The following QTMAN variants were observed in gnomAD, a reference collection of about 807,000 sequenced individuals.
QTMAN encodes tRNA-queuosine alpha-mannosyltransferase.
At chr2:144,242,342 A>G in the QTMAN span, among the ~76,000 whole-genome samples, 1 of 152,112 alleles carries the variant, frequency 6.6e-6, no homozygotes, top group Non-Finnish European at 1.5e-5. Context: ...AGTTACTTCT[A>G]TTATTAAAAG....
At chr2:144,145,045 C>T in the QTMAN span, among the ~76,000 whole-genome samples, 4 of 139,518 alleles carry the variant, frequency 2.9e-5, no homozygotes, top group South Asian at 2.2e-4. Flanking sequence ...GAAGACTCAA[C>T]GAAGGAAAAA....
chr2:144,117,999 C>G, the QTMAN span, among the ~76,000 whole-genome samples: 1 of 152,088 alleles, frequency 6.6e-6, no homozygotes, highest in Non-Finnish European at 1.5e-5. Flanking sequence ...GTGCCCGCCA[C>G]CACGCCCGGC....
At chr2:144,315,408 G>A in the QTMAN span, among the ~76,000 whole-genome samples, 1 of 152,124 alleles carries the variant, frequency 6.6e-6, no homozygotes, top group Non-Finnish European at 1.5e-5. Context: ...AATGTTCCCA[G>A]AACAAATGGG....
At chr2:144,088,664 C>T in the QTMAN span, among the ~76,000 whole-genome samples, 3 of 152,050 alleles carry the variant, frequency 2.0e-5, no homozygotes, top group Non-Finnish European at 4.4e-5. Flanking sequence ...AGAAATAAAG[C>T]CACATATTCA....
the QTMAN span, among the ~76,000 whole-genome samples, chr2:144,010,531 G>A: frequency 6.6e-6 from 1 of 152,196 alleles, no homozygotes; most frequent in Admixed American, 6.6e-5. Flanking sequence ...TGGACAAGAT[G>A]AGCAAGAGCT....
the QTMAN span, among the ~76,000 whole-genome samples, chr2:144,175,825 C>T: frequency 1.4e-4 from 22 of 152,132 alleles, no homozygotes; most frequent in South Asian, 6.2e-4. Flanking sequence ...CCACCATGTT[C>T]GGCTAGTTTT....
chr2:144,157,603 T>C, the QTMAN span, among the ~76,000 whole-genome samples: 4 of 151,976 alleles, frequency 2.6e-5, no homozygotes, highest in East Asian at 1.9e-4. Context: ...GCGATGGCTA[T>C]TAAAAGATGA....
chr2:144,165,046 T>C, the QTMAN span, among the ~76,000 whole-genome samples: 2 of 152,092 alleles, frequency 1.3e-5, no homozygotes, highest in Non-Finnish European at 2.9e-5. Flanking sequence ...GCTCACTTTG[T>C]TAAAGAAGGT....
chr2:144,020,676 C>T, the QTMAN span, among the ~76,000 whole-genome samples: 959 of 152,158 alleles, frequency 6.3e-3, 15 homozygotes, highest in African/African-American at 0.022. Context: ...AGCAGTGGGG[C>T]GCTGAAGCAG....
chr2:144,296,715 G>A, the QTMAN span, among the ~76,000 whole-genome samples: 1 of 152,034 alleles, frequency 6.6e-6, no homozygotes, highest in Non-Finnish European at 1.5e-5. Context: ...AAACCCCTCA[G>A]GCTCAATCCT....
chr2:143,975,895 T>C, the QTMAN span, among the ~76,000 whole-genome samples: 1 of 152,202 alleles, frequency 6.6e-6, no homozygotes, highest in Middle Eastern at 3.2e-3. Flanking sequence ...TCTTCATTAC[T>C]GCAGCATAAT....
the QTMAN span, among the ~76,000 whole-genome samples, chr2:144,160,621 A>T: frequency 6.6e-6 from 1 of 152,264 alleles, no homozygotes; most frequent in East Asian, 1.9e-4. Flanking sequence ...AAAACTTAAG[A>T]CTGTAACGCA....
chr2:144,209,119 T>A, the QTMAN span, among the ~76,000 whole-genome samples: 1 of 152,210 alleles, frequency 6.6e-6, no homozygotes, highest in African/African-American at 2.4e-5. Context: ...CTGTGATCAC[T>A]CACTTCCTGG....
At chr2:144,047,038 A>C in the QTMAN span, among the ~76,000 whole-genome samples, 1 of 152,174 alleles carries the variant, frequency 6.6e-6, no homozygotes, top group Non-Finnish European at 1.5e-5. Context: ...TGGGAGTCTG[A>C]GGCAGGGACT....
chr2:144,087,025 A>G, the QTMAN span, among the ~76,000 whole-genome samples: 5 of 152,198 alleles, frequency 3.3e-5, no homozygotes, highest in Admixed American at 6.6e-5. Flanking sequence ...AAGTGACAAC[A>G]GTAACCTTAT....
chr2:144,084,227 G>T, the QTMAN span, among the ~76,000 whole-genome samples: 5 of 152,164 alleles, frequency 3.3e-5, no homozygotes, highest in Admixed American at 2.6e-4. Context: ...CAACCAGCTG[G>T]TATATCCAGG....
At chr2:143,994,013 A>C in the QTMAN span, among the ~76,000 whole-genome samples, 1 of 152,182 alleles carries the variant, frequency 6.6e-6, no homozygotes, top group Non-Finnish European at 1.5e-5. Flanking sequence ...CCTAAAGGTT[A>C]TACATTTTAT....
At chr2:144,218,739 G>A in the QTMAN span, among the ~76,000 whole-genome samples, 36 of 152,052 alleles carry the variant, frequency 2.4e-4, 2 homozygotes, top group East Asian at 4.8e-3. Context: ...TATTCTCAAC[G>A]TCCTATTTGA....
the QTMAN span, among the ~76,000 whole-genome samples, chr2:144,237,660 G>C: frequency 6.6e-6 from 1 of 152,068 alleles, no homozygotes; most frequent in African/African-American, 2.4e-5. Flanking sequence ...TGCTGTCAAA[G>C]AAAGGGGAGA....
Sources: allele counts gnomAD v4.1 joint callset (sites outside exome capture counted in the v4.1 genomes callset), GRCh38; gene constraint gnomAD v4.1.1; transcripts MANE v1.5; gene names NCBI Gene and HGNC (gene_info 2026-07-23, HGNC 2026-07-21).